The following LRCH1 variants were observed in gnomAD, a reference collection of about 807,000 sequenced individuals.
LRCH1 encodes the protein leucine rich repeats and calponin homology domain containing 1, also known as leucine-rich repeat and calponin homology domain-containing protein 1.
A neutral mutation model predicts 94.9 loss-of-function variants in LRCH1; 23 were observed. The ratio of observed to expected loss-of-function variants is 0.24; its 90% confidence interval spans 0.17 to 0.34. The LOEUF is 0.34. LRCH1 is among the 10% of genes least tolerant of loss of function. The probability of loss-of-function intolerance (pLI) is 1.00; values close to 1 mark genes in which losing one functional copy is unlikely to be tolerated. For synonymous variants in LRCH1, 364 were observed against 354.9 expected, an observed-to-expected ratio of 1.03 and a Z score of -0.29; for missense variants, 790 against 945.9, an observed-to-expected ratio of 0.84 and a Z score of 2.16.
At chr13:46,636,030 C>T (rs796252041) in intron 1 of LRCH1, among the ~76,000 whole-genome samples, 42 of 139,714 alleles carry the variant, frequency 3.0e-4, no homozygotes, top group African/African-American at 1.1e-3. Context: ...AAGACATATA[C>T]AACACAACAT....
chr13:46,662,808 C>T (rs2051466843), intron 2 of LRCH1, among the ~76,000 whole-genome samples: 1 of 152,182 alleles, frequency 6.6e-6, no homozygotes, highest in African/African-American at 2.4e-5. Flanking sequence ...AAATATGGTG[C>T]AGGTATGCAT....
chr13:46,693,118 C>T (rs1870995691), intron 8 of LRCH1, among the ~76,000 whole-genome samples: 1 of 151,878 alleles, frequency 6.6e-6, no homozygotes, highest in African/African-American at 2.4e-5. Context: ...ATTACAGGCA[C>T]CTGCCACCAT....
At chr13:46,568,042 G>A (rs1298921794) in intron 1 of LRCH1, among the ~76,000 whole-genome samples, 1 of 152,026 alleles carries the variant, frequency 6.6e-6, no homozygotes, top group African/African-American at 2.4e-5. Flanking sequence ...TCTCTCCTTG[G>A]GCAGTCTGTC....
intron 1 of LRCH1, among the ~76,000 whole-genome samples, chr13:46,625,756 T>C (rs548965001): frequency 6.7e-6 from 1 of 150,090 alleles, no homozygotes; most frequent in East Asian, 2.0e-4. Context: ...TGGGCTCAGG[T>C]GATTCCCCCA....
chr13:46,634,686 CTT>C (rs765909771), intron 1 of LRCH1, among the ~76,000 whole-genome samples: 1 of 152,214 alleles, frequency 6.6e-6, no homozygotes, highest in Non-Finnish European at 1.5e-5. Context: ...TACATTTTCT[CTT>C]GTTTACCTGT....
At chr13:46,584,034 T>A (rs911816510) in intron 1 of LRCH1, among the ~76,000 whole-genome samples, 6 of 151,980 alleles carry the variant, frequency 3.9e-5, no homozygotes, top group Admixed American at 6.6e-5. Flanking sequence ...TCGATATGTT[T>A]TAGAGGTGGT....
chr13:46,573,553 AG>A (rs1381498601), intron 1 of LRCH1, among the ~76,000 whole-genome samples: 1 of 152,180 alleles, frequency 6.6e-6, no homozygotes, highest in Non-Finnish European at 1.5e-5. Flanking sequence ...AGCCATAAAA[AG>A]AATGAGATCC....
In LRCH1 at chr13:46,687,734, G is replaced by C. The variant is rs1418589552; in HGVS notation, c.823-118G>C. ...GGAAAGGACGGATTTAGTGTACATT[G>C]GTAGGGTGTTACTTAAAATGAAACT... On this transcript the variant is annotated intron_variant, in intron 5 of 19. Coordinates refer to ENST00000389797, the MANE Select transcript of LRCH1 (RefSeq NM_001164211.2). 7.0e-6 allele frequency: 5 copies of C among 712,422 alleles called. No homozygotes were observed. The African/African-American group carries it at 9.0e-5, about 13-fold the overall frequency. 44.1% of individuals were successfully genotyped at this position (712,422 alleles called of 1,614,324 possible).
chr13:46,582,674 T>TTTTTTTTTTTTTTC (rs2050386135), intron 1 of LRCH1, among the ~76,000 whole-genome samples: 1 of 120,912 alleles, frequency 8.3e-6, no homozygotes, highest in Non-Finnish European at 1.7e-5. Context: ...TTTTTTTTTG[T>TTTTTTTTTTTTTTC]ATTTTTAGTA....
intron 1 of LRCH1, among the ~76,000 whole-genome samples, chr13:46,613,386 GAA>G (rs35503529): frequency 2.6e-4 from 37 of 144,308 alleles, no homozygotes; most frequent in Admixed American, 9.6e-4. Flanking sequence ...GACCCCGTCT[GAA>G]AAAAAAAAAA....
chr13:46,675,014 T>C (rs553891625), intron 3 of LRCH1, among the ~76,000 whole-genome samples: 1 of 152,216 alleles, frequency 6.6e-6, no homozygotes, highest in Admixed American at 6.5e-5. Context: ...AAAGGTTTGG[T>C]ACAAATGGTC....
intron 1 of LRCH1, among the ~76,000 whole-genome samples, chr13:46,619,623 A>G (rs9534440): frequency 0.059 from 9,042 of 152,252 alleles, 444 homozygotes; most frequent in East Asian, 0.25. Flanking sequence ...TGTCAGAGTA[A>G]CCTTATGCTT....
chr13:46,714,703 C>T (rs544266437), intron 15 of LRCH1, among the ~76,000 whole-genome samples: 1 of 152,166 alleles, frequency 6.6e-6, no homozygotes, highest in South Asian at 2.1e-4. Flanking sequence ...ATTTTACCGG[C>T]CCTGCCTTAT....
chr13:46,732,905 T>G (rs1386186002), intron 18 of LRCH1, among the ~76,000 whole-genome samples: 1 of 152,226 alleles, frequency 6.6e-6, no homozygotes, highest in East Asian at 1.9e-4. Context: ...TCCTCCCTAA[T>G]CAAGATGGAG....
intron 1 of LRCH1, among the ~76,000 whole-genome samples, chr13:46,573,794 A>ACAATCTAT (rs1419771473): frequency 6.8e-6 from 1 of 146,216 alleles, no homozygotes; most frequent in Non-Finnish European, 1.5e-5. Context: ...AATAGAATGA[A>ACAATCTAT]TGAAGGAACA....
At chr13:46,686,993 C>G (rs1870651852) in intron 5 of LRCH1, among the ~76,000 whole-genome samples, 1 of 119,032 alleles carries the variant, frequency 8.4e-6, no homozygotes. Flanking sequence ...GAGTCTCGCT[C>G]TGTCGCCCAG....
intron 1 of LRCH1, among the ~76,000 whole-genome samples, chr13:46,600,618 T>TACACACACACACACACACACACAC (rs3068695): frequency 1.4e-4 from 20 of 143,282 alleles, no homozygotes; most frequent in South Asian, 2.3e-4. Context: ...TGACCAGATT[T>TACACACACACACACACACACACAC]ACACACACAC....
chr13:46,623,693 G>GTTTTTTTTTTTTTTTTTTTTTCTT (rs5803361), intron 1 of LRCH1, among the ~76,000 whole-genome samples: 1 of 128,504 alleles, frequency 7.8e-6, no homozygotes, highest in Admixed American at 7.9e-5. Context: ...CCCTGTCTCT[G>GTTTTTTTTTTTTTTTTTTTTTCTT]TTTTTTTTTT....
intron 1 of LRCH1, among the ~76,000 whole-genome samples, chr13:46,643,192 A>G (rs2051180115): frequency 6.6e-6 from 1 of 152,116 alleles, no homozygotes; most frequent in Admixed American, 6.5e-5. Context: ...CAAAGATACT[A>G]GTTGCCTTTT....
Sources: allele counts gnomAD v4.1 joint callset (sites outside exome capture counted in the v4.1 genomes callset), GRCh38; gene constraint gnomAD v4.1.1; transcripts MANE v1.5; gene names NCBI Gene and HGNC (gene_info 2026-07-23, HGNC 2026-07-21).